PKLR: variants seen among roughly 807,000 people sequenced by gnomAD.
PKLR encodes the protein pyruvate kinase PKLR.
PKLR carries 38 observed loss-of-function variants against 53.6 expected under a neutral mutation model. The observed-to-expected ratio is 0.71, with a 90% CI of 0.55 to 0.93. The LOEUF (loss-of-function observed/expected upper bound fraction) is 0.93. PKLR is among the 40% of genes least tolerant of loss of function. The pLI, the probability that PKLR is intolerant of heterozygous loss-of-function variation, is 0.00. For synonymous variants in PKLR, 328 were observed against 316.2 expected, an observed-to-expected ratio of 1.04 and a Z score of -0.39; for missense variants, 702 against 787.3, an observed-to-expected ratio of 0.89 and a Z score of 1.30.
chr1:155,307,349 G>A, the PKLR span, among the ~76,000 whole-genome samples: 4 of 152,190 alleles, frequency 2.6e-5, no homozygotes, highest in East Asian at 3.9e-4. Flanking sequence ...ATTGTCAGAG[G>A]TGCGTGAACC....
intron 2 of PKLR, among the ~76,000 whole-genome samples, chr1:155,296,469 AG>A (rs572844581): frequency 2.1e-3 from 313 of 151,938 alleles, no homozygotes; most frequent in African/African-American, 7.3e-3. Flanking sequence ...CAGCCTCCTG[AG>A]TAGCTGGGAT....
chr1:155,306,497 A>G, the PKLR span, among the ~76,000 whole-genome samples: 1 of 152,180 alleles, frequency 6.6e-6, no homozygotes. This position sits in a 1 kb window ranked among gnomAD's most constrained non-coding sequence, Gnocchi z 4.2. Flanking sequence ...CACTGACAGA[A>G]CTGTGCTCAG....
Position 155,295,651 on chromosome 1 carries a change from G to A in PKLR, c.375+14C>T. 1 of 1,614,018 alleles carries A rather than the reference G, an allele frequency of 6.2e-7. No homozygotes were observed. Among genetic ancestry groups the A allele is most frequent in the South Asian group, 1.1e-5 (1 of 91,072 alleles). The stretch of plus-strand genomic sequence containing the variant: ...CCTCCTGCCCCACCCACTGCCCGGC[G>A]GCCCGTCCCGCACCTCGTGGGAGCC... On this transcript the variant is annotated intron_variant, in intron 3 of 10. Coordinates refer to ENST00000342741, the MANE Select transcript of PKLR (RefSeq NM_000298.6). The surrounding 1 kb of genome is among the most constrained non-coding windows in gnomAD (Gnocchi z 4.3).
chr1:155,294,898 G>A (rs2148206131), intron 5 of PKLR, 146 bp from the exon 6 acceptor site: 4 of 1,191,108 alleles, frequency 3.4e-6, no homozygotes, highest in East Asian at 5.1e-5. Flanking sequence ...TCGCCCGGAA[G>A]AGGCACAGAT....
the PKLR span, among the ~76,000 whole-genome samples, chr1:155,307,143 G>A: frequency 6.6e-6 from 1 of 151,904 alleles, no homozygotes; most frequent in Admixed American, 6.6e-5. Context: ...TTGAACTCCT[G>A]ACCTCGTGAT....
chr1:155,301,377 T>C lies in PKLR; in HGVS notation c.19A>G (p.Ile7Val). The change falls in exon 1 of 11, where the codon ATA (isoleucine) becomes GTA (valine). Residue 7 changes from isoleucine to valine, a missense_variant. Ile to Val is a conservative substitution (Grantham distance 29, BLOSUM62 3). Coordinates refer to ENST00000342741, the MANE Select transcript of PKLR (RefSeq NM_000298.6). MSIQENISSLQLRSWVS... is the reference protein window; with the variant it reads MSIQENVSSLQLRSWVS... ...CATGACCGAAGCTGCAGGGATGATA[T>C]GTTCTCCTGGATCGACATGCTTTCA... The C allele has an allele frequency of 1.2e-6, 2 of 1,614,050 alleles. No homozygotes were observed. Among genetic ancestry groups the C allele is most frequent in the Non-Finnish European group, 1.7e-6 (2 of 1,179,946 alleles).
At chr1:155,299,032 T>C (rs866036513) in intron 2 of PKLR, among the ~76,000 whole-genome samples, 11 of 51,430 alleles carry the variant, frequency 2.1e-4, no homozygotes, top group Non-Finnish European at 3.2e-4. Flanking sequence ...CTTTCTTTCT[T>C]TCTCTTTCTT....
chr1:155,301,098 G>T, intron 1 of PKLR, 198 bp downstream of exon 1: 1 of 1,458,346 alleles, frequency 6.9e-7, no homozygotes, highest in Non-Finnish European at 9.3e-7. Flanking sequence ...CTGTGGCTCT[G>T]GCCTGCCTAT....
At position 155,290,251 on chromosome 1, in the gene PKLR, A is replaced by G; in HGVS notation, c.*321T>C. The G allele has an allele frequency of 2.6e-6, 1 of 383,886 alleles. No homozygotes were observed. The highest frequency in any genetic ancestry group is 4.9e-6 in the Non-Finnish European group (1 of 205,326). 23.8% of individuals were successfully genotyped at this position (383,886 alleles called of 1,614,324 possible). ...TGGGGTTATGGAATTAACCAGCCAA[A>G]CTGGGATTAAAGACTCAAGGCATCT... On this transcript the variant is annotated 3_prime_UTR_variant, in exon 11 of 11. Coordinates refer to ENST00000342741, the MANE Select transcript of PKLR (RefSeq NM_000298.6).
At position 155,295,150 on chromosome 1, in the gene PKLR, G is replaced by T; in HGVS notation, c.660C>A (p.Asp220Glu). ...GGACCACTAGGGAGATGAGCCCGTC[G>T]TCAATGTAGATGCGGCCCCCCACCG... is the stretch of plus-strand genomic sequence containing the variant. The part of the protein sequence containing the change: ...VVPVGGRIYI[D>E]DGLISLVVQK... The change falls in exon 5 of 11, where the codon GAC becomes GAA. Residue 220 changes from aspartate (D) to glutamate (E), a missense_variant. Around this residue, in one of 2 missense-constraint regions of PKLR, gnomAD observed 519 missense variants for 537.1 expected, o/e 0.97. Coordinates refer to ENST00000342741, the MANE Select transcript of PKLR (RefSeq NM_000298.6). The surrounding 1 kb of genome is among the most constrained non-coding windows in gnomAD (Gnocchi z 4.3). 6.2e-7 allele frequency: 1 copy of T among 1,614,144 alleles called. No homozygotes were observed. Among genetic ancestry groups the T allele is most frequent in the South Asian group, 1.1e-5 (1 of 91,090 alleles).
rs369183199 is a variant in PKLR, at chr1:155,291,911, C to T, written c.1463G>A (p.Arg488Gln). The T allele has an allele frequency of 1.6e-5, 26 of 1,613,330 alleles. No individual in the cohort carries two copies. The highest frequency in any genetic ancestry group is 2.2e-5 in the East Asian group (1 of 44,896). The change falls in exon 10 of 11, where the codon CGA (arginine) becomes CAA (glutamine). Residue 488 changes from arginine to glutamine, a missense_variant. Physicochemically the swap from Arg to Gln is conservative, Grantham distance 43 (BLOSUM62 1). Transcript: ENST00000342741. ...GACAGCAATGACTGCTGCCCGAGGT[C>T]GGTACCGAGACAGAAGCTGGGCTGA... ...GRSAQLLSRY[R>Q]PRAAVIAVTR...
At chr1:155,304,024 G>C (rs773546611), upstream of PKLR, among the ~76,000 whole-genome samples, 2 of 152,274 alleles carry the variant, frequency 1.3e-5, no homozygotes, top group East Asian at 3.9e-4. Context: ...GGAGTGCAGG[G>C]TCGTGGCCCA....
At chr1:155,300,887 T>C in intron 1 of PKLR, 1 of 1,611,638 alleles carries the variant, frequency 6.2e-7, no homozygotes, top group Non-Finnish European at 8.5e-7. Context: ...GCACCTTCCA[T>C]GCCACTGCAC....
chr1:155,300,271 C>T lies in PKLR; in HGVS notation c.110G>A (p.Gly37Glu), dbSNP rs118204087. ...ILIGAPGGPA[G>E]YLRRASVAQL... Reference sequence around the variant, plus strand: ...GGCCACACTGGCCCGCCGCAGATACCCCGCTGGCCCTGTGGTAGAAGGGGG... The same window carrying T: ...GGCCACACTGGCCCGCCGCAGATACTCCGCTGGCCCTGTGGTAGAAGGGGG... The change falls in exon 2 of 11, where the codon GGG becomes GAG. Residue 37 changes from glycine to glutamate, a missense_variant. By Grantham distance (98) the Gly-to-Glu change is moderately conservative. Coordinates refer to ENST00000342741, the MANE Select transcript of PKLR (RefSeq NM_000298.6). 6.3e-7 allele frequency: 1 copy of T among 1,591,392 alleles called. No individual in the cohort carries two copies. Among genetic ancestry groups the T allele is most frequent in the Non-Finnish European group, 8.6e-7 (1 of 1,169,222 alleles).
intron 2 of PKLR, among the ~76,000 whole-genome samples, chr1:155,298,910 T>C (rs1397038017): frequency 6.6e-6 from 1 of 152,244 alleles, no homozygotes; most frequent in African/African-American, 2.4e-5. Context: ...CCCAAAGTGC[T>C]GGGATTATAG....
upstream of PKLR, among the ~76,000 whole-genome samples, chr1:155,301,689 C>T (rs1002811471): frequency 9.2e-5 from 14 of 151,816 alleles, no homozygotes; most frequent in Non-Finnish European, 1.5e-4. Flanking sequence ...TTGTACTTTA[C>T]TGAAGTTAGC....
chr1:155,297,441 C>G (rs1302844408), intron 2 of PKLR, among the ~76,000 whole-genome samples: 1 of 152,154 alleles, frequency 6.6e-6, no homozygotes, highest in Non-Finnish European at 1.5e-5. Flanking sequence ...CGCCCACACT[C>G]CATACCCCAT....
chr1:155,299,821 ATAAATAATTTACTTATTT>A (rs1647883719), intron 2 of PKLR, among the ~76,000 whole-genome samples: 1 of 152,092 alleles, frequency 6.6e-6, no homozygotes, highest in Non-Finnish European at 1.5e-5. Context: ...TTCTAACGGA[ATAAATAATTTACTTATTT>A]TAAATAATTT....
intron 2 of PKLR, among the ~76,000 whole-genome samples, chr1:155,297,958 G>A (rs963024598): frequency 1.3e-5 from 2 of 152,146 alleles, no homozygotes; most frequent in African/African-American, 4.8e-5. Flanking sequence ...ATTTAGGGCT[G>A]CAACCTGTCT....
Sources: gnomAD v4.1 joint callset for allele counts (sites outside exome capture counted in the v4.1 genomes callset) on GRCh38, gnomAD v4.1.1 for gene constraint, gnomAD v4.1.1 regional missense constraint, Gnocchi (gnomAD v3.1) non-coding constraint, MANE v1.5 for transcripts, NCBI Gene and HGNC (gene_info 2026-07-23, HGNC 2026-07-21) for gene names.